PRORP: variants seen among roughly 807,000 people sequenced by gnomAD.
PRORP encodes the protein mitochondrial ribonuclease P catalytic subunit.
Under a neutral mutation model 59.4 loss-of-function variants are expected in PRORP, and 51 were observed. The ratio of observed to expected loss-of-function variants is 0.86; its 90% CI spans 0.69 to 1.08. The LOEUF is 1.08. Ranked by LOEUF, PRORP falls within the 50% of genes least tolerant of loss-of-function variation. The pLI is 0.00. For missense variants in PRORP, 646 were observed against 690.3 expected, an observed-to-expected ratio of 0.94 and a Z score of 0.72; for synonymous variants, 231 against 245.6, an observed-to-expected ratio of 0.94 and a Z score of 0.55.
At chr14:35,269,801 G>A (rs1046765889) in intron 6 of PRORP, among the ~76,000 whole-genome samples, 7 of 152,094 alleles carry the variant, frequency 4.6e-5, no homozygotes, top group East Asian at 1.9e-4. Context: ...AAGCAAGGTC[G>A]TTACTGCCAT....
intron 4 of PRORP, among the ~76,000 whole-genome samples, chr14:35,132,078 A>T (rs1191931499): frequency 2.0e-5 from 3 of 148,998 alleles, no homozygotes; most frequent in Non-Finnish European, 3.0e-5. Flanking sequence ...ACCTGAGGTG[A>T]TCCGTCCGCC....
At chr14:35,272,877 C>T (rs1045242272) in intron 7 of PRORP, among the ~76,000 whole-genome samples, 12 of 152,148 alleles carry the variant, frequency 7.9e-5, no homozygotes, top group African/African-American at 2.9e-4. Context: ...TGCATATAAC[C>T]TACACACATC....
chr14:35,134,985 G>A (rs1267161755), intron 4 of PRORP, among the ~76,000 whole-genome samples: 2 of 152,170 alleles, frequency 1.3e-5, no homozygotes, highest in Non-Finnish European at 2.9e-5. Context: ...TTTCCCTCTG[G>A]CTAGAGCTAG....
intron 5 of PRORP, among the ~76,000 whole-genome samples, chr14:35,188,959 A>AAAGAAAG (rs2048813989): frequency 7.3e-6 from 1 of 137,904 alleles, no homozygotes. Context: ...AAAAAAAAAA[A>AAAGAAAG]AAAAAGTATT....
At chr14:35,137,534 G>C (rs1444496468) in intron 4 of PRORP, among the ~76,000 whole-genome samples, 1 of 144,468 alleles carries the variant, frequency 6.9e-6, no homozygotes, top group African/African-American at 2.4e-5. Context: ...AGAGAGAGTG[G>C]GGAAGGTTTG....
At chr14:35,125,322 C>T (rs1273755278) in intron 2 of PRORP, among the ~76,000 whole-genome samples, 1 of 152,102 alleles carries the variant, frequency 6.6e-6, no homozygotes, top group Non-Finnish European at 1.5e-5. Flanking sequence ...AAGCTCTCTC[C>T]TTTGGTTTGC....
chr14:35,239,404 A>G lies in PRORP; in HGVS notation c.1276-27323A>G, dbSNP rs191239527. On this transcript the variant is annotated intron_variant, in intron 5 of 7. Coordinates refer to ENST00000534898, the MANE Select transcript of PRORP (RefSeq NM_014672.4). Reference sequence around the variant, plus strand: ...AATCCACTTCCTATGCTTTCTCCAGAGATGTCTGCTTCCCTAAAAACAAAC... The same window carrying G: ...AATCCACTTCCTATGCTTTCTCCAGGGATGTCTGCTTCCCTAAAAACAAAC... Among the ~76,000 whole-genome samples, 4 of 152,112 alleles carry G rather than the reference A, an allele frequency of 2.6e-5. No homozygotes were observed. In the East Asian group the frequency reaches 7.7e-4, roughly 29 times the overall value.
intron 5 of PRORP, among the ~76,000 whole-genome samples, chr14:35,210,017 TA>T (rs1193641701): frequency 1.3e-5 from 2 of 152,118 alleles, no homozygotes; most frequent in African/African-American, 4.8e-5. Flanking sequence ...CTTATCAAAA[TA>T]AAAAACACAT....
chr14:35,270,431 C>A lies in PRORP; in HGVS notation c.1455C>A (p.Ala485=). 6.2e-7 allele frequency: 1 copy of A among 1,613,994 alleles called. No individual in the cohort carries two copies. ...ISEDDPFLLY[A]TLHSGNHCRF... is the part of the protein sequence containing the mutation. ...AGGATGATCCATTCCTTCTGTATGCCACACTGCACTCCGGGAATCACTGCA... is the reference window on the plus strand; with the variant it reads ...AGGATGATCCATTCCTTCTGTATGCAACACTGCACTCCGGGAATCACTGCA... The change falls in exon 7 of 8, where the codon GCC becomes GCA. Residue 485 remains alanine, a synonymous_variant. Transcript: ENST00000534898.
At chr14:35,158,723 G>A in intron 4 of PRORP, 2 of 388,286 alleles carry the variant, frequency 5.2e-6, no homozygotes, top group East Asian at 7.0e-5. Flanking sequence ...ATTATCTACT[G>A]CATCTCCAAA....
At chr14:35,165,821 A>C (rs1349776430) in intron 4 of PRORP, among the ~76,000 whole-genome samples, 1 of 152,032 alleles carries the variant, frequency 6.6e-6, no homozygotes, top group Non-Finnish European at 1.5e-5. Flanking sequence ...TTGGGATTAC[A>C]GGCACCTGCC....
chr14:35,192,146 G>T (rs1433236430), intron 5 of PRORP, among the ~76,000 whole-genome samples: 1 of 152,096 alleles, frequency 6.6e-6, no homozygotes, highest in Non-Finnish European at 1.5e-5. Context: ...ACCTCATCTG[G>T]TTTTTTCTCA....
At chr14:35,166,780 C>G (rs906664835) in intron 4 of PRORP, among the ~76,000 whole-genome samples, 1 of 152,096 alleles carries the variant, frequency 6.6e-6, no homozygotes, top group Non-Finnish European at 1.5e-5. Flanking sequence ...AAGCTCCTAA[C>G]GTATCTTTCA....
chr14:35,260,143 C>G (rs1287550934), intron 5 of PRORP, among the ~76,000 whole-genome samples: 1 of 151,788 alleles, frequency 6.6e-6, no homozygotes, highest in Non-Finnish European at 1.5e-5. Flanking sequence ...TCCAGAGTAG[C>G]TGGGACCACA....
rs769701565 is a variant in PRORP at position 35,268,342 on chromosome 14, C to CAAA, written c.1424+1486_1424+1488dup. Among the ~76,000 whole-genome samples the CAAA allele has an allele frequency of 9.4e-3, 474 of 50,246 alleles. 13 individuals are homozygous for CAAA. The highest frequency in any genetic ancestry group is 0.025 in the African/African-American group (347 of 13,888). 33.0% of individuals were successfully genotyped at this position (50,246 alleles called of 152,430 possible). On this transcript the variant is annotated intron_variant, in intron 6 of 7. Transcript: ENST00000534898. ...CCTGGGTTACGGAGTGAGACTGTCT[C>CAAA]AAAAAAAAAAAAAAAAAAAAACAAC... is the stretch of plus-strand genomic sequence containing the variant.
intron 5 of PRORP, among the ~76,000 whole-genome samples, chr14:35,250,100 T>C (rs945568503): frequency 6.6e-5 from 10 of 151,592 alleles, no homozygotes; most frequent in Non-Finnish European, 1.2e-4. Context: ...ATACAAAAAA[T>C]AGCTGGGCAT....
intron 5 of PRORP, among the ~76,000 whole-genome samples, chr14:35,231,833 A>T (rs1240509821): frequency 2.0e-5 from 3 of 152,232 alleles, no homozygotes; most frequent in African/African-American, 4.8e-5. Context: ...ATTCAATCTA[A>T]GGAACTTTAG....
rs771213124 is a variant in PRORP, at chr14:35,126,750, A to G, written c.1002A>G (p.Gln334=). 5.4e-5 allele frequency: 87 copies of G among 1,610,666 alleles called. No homozygotes were observed. The highest frequency in any genetic ancestry group is 6.7e-5 in the Non-Finnish European group (79 of 1,178,046). ...CTTTTCATAGTGTTCCTGGAAAACA[A>G]TGGAAAGGACAATTCACCACAGTCC... The part of the protein sequence containing the change: ...KTWFESVPGK[Q]WKGQFTTVRK... Residue 334 remains glutamine, a synonymous_variant, in exon 3 of 8, where the codon CAA becomes CAG. Coordinates refer to ENST00000534898, the MANE Select transcript of PRORP (RefSeq NM_014672.4).
At chr14:35,207,052 CCT>C (rs2049312314) in intron 5 of PRORP, among the ~76,000 whole-genome samples, 1 of 151,904 alleles carries the variant, frequency 6.6e-6, no homozygotes, top group Admixed American at 6.6e-5. Context: ...CACATGGAGG[CCT>C]CTCTTTTTAA....
Sources: gnomAD v4.1 joint callset for allele counts (sites outside exome capture counted in the v4.1 genomes callset) on GRCh38, gnomAD v4.1.1 for gene constraint, MANE v1.5 for transcripts, NCBI Gene and HGNC (gene_info 2026-07-23, HGNC 2026-07-21) for gene names.